RAD50: variants seen among roughly 807,000 people sequenced by gnomAD.
The protein encoded by RAD50 is RAD50 double strand break repair protein, also known as DNA repair protein RAD50.
RAD50 carries 132 observed loss-of-function variants against 168.8 expected under a neutral mutation model. The observed-to-expected ratio is 0.78, with a 90% CI of 0.68 to 0.90. The LOEUF (loss-of-function observed/expected upper bound fraction) is 0.90. Ranked by LOEUF, RAD50 falls within the 40% of genes least tolerant of loss-of-function variation. The pLI is 0.00. For synonymous variants in RAD50, 525 were observed against 497.4 expected, an observed-to-expected ratio of 1.06 and a Z score of -0.74; for missense variants, 1,347 against 1,534.4, an observed-to-expected ratio of 0.88 and a Z score of 2.04.
At chr5:132,571,312 A>G (rs979726007) in intron 2 of RAD50, among the ~76,000 whole-genome samples, 2 of 152,092 alleles carry the variant, frequency 1.3e-5, no homozygotes, top group South Asian at 2.1e-4. Context: ...GAAGAGCACA[A>G]TAAGATGGGG....
chr5:132,618,366 A>AT (rs1751216739), intron 21 of RAD50, 72 bp downstream of exon 21: 10 of 1,574,236 alleles, frequency 6.4e-6, no homozygotes, highest in African/African-American at 1.4e-5. Flanking sequence ...CTTTTCTCTC[A>AT]TTTTTTTCTT....
At chr5:132,581,540 A>C (rs974181326) in intron 5 of RAD50, among the ~76,000 whole-genome samples, 1 of 152,246 alleles carries the variant, frequency 6.6e-6, no homozygotes, top group African/African-American at 2.4e-5. Context: ...CTAACCTTCC[A>C]GAGTATATTT....
chr5:132,641,348 C>T (rs969400194), intron 24 of RAD50, among the ~76,000 whole-genome samples: 1 of 152,122 alleles, frequency 6.6e-6, no homozygotes, highest in Non-Finnish European at 1.5e-5. Flanking sequence ...GGTTGTCAAG[C>T]AGCTCTTGCA....
chr5:132,620,546 A>G (rs1751268283), intron 21 of RAD50, among the ~76,000 whole-genome samples: 1 of 152,120 alleles, frequency 6.6e-6, no homozygotes, highest in African/African-American at 2.4e-5. Flanking sequence ...ATTCATTCTG[A>G]TTACTCAATT....
At chr5:132,596,248 G>A (rs1258752111) in intron 13 of RAD50, among the ~76,000 whole-genome samples, 2 of 152,072 alleles carry the variant, frequency 1.3e-5, no homozygotes, top group East Asian at 1.9e-4. Flanking sequence ...GGCCCACCTC[G>A]GCCTCCCAAA....
intron 16 of RAD50, 74 bp downstream of exon 16, chr5:132,605,073 C>T: frequency 1.7e-6 from 2 of 1,185,782 alleles, no homozygotes; most frequent in Non-Finnish European, 2.3e-6. Flanking sequence ...TTGAGACAGT[C>T]TCGTTCTGTC....
chr5:132,617,029 C>T (rs908177347), intron 20 of RAD50, among the ~76,000 whole-genome samples: 2 of 152,144 alleles, frequency 1.3e-5, no homozygotes, highest in African/African-American at 4.8e-5. Context: ...AAGAGCTCAT[C>T]ATCTTCAGAG....
At position 132,595,046 on chromosome 5, in the gene RAD50, T is replaced by G. The variant is rs754783660; in HGVS notation, c.1969+2T>G. 6.2e-7 allele frequency: 1 copy of G among 1,608,060 alleles called. No individual in the cohort carries two copies. The highest frequency in any genetic ancestry group is 1.1e-5 in the South Asian group (1 of 90,948). Reference sequence around the variant, plus strand: ...TTGAAAAATCATCAAAACAGCGAGGTAAGTTGTCTACTTTATATTATCAGG... The same window carrying G: ...TTGAAAAATCATCAAAACAGCGAGGGAAGTTGTCTACTTTATATTATCAGG... On this transcript the variant is annotated splice_donor_variant, in intron 12 of 24. Transcript: ENST00000378823. LOFTEE classifies it high-confidence loss of function.
At chr5:132,559,219 C>T in intron 1 of RAD50, 65 bp from the exon 2 acceptor site, 2 of 1,413,676 alleles carry the variant, frequency 1.4e-6, no homozygotes, top group South Asian at 1.4e-5. Context: ...GTAATGAATT[C>T]ATATTTTATG....
chr5:132,595,224 T>G, intron 12 of RAD50, 180 bp downstream of exon 12: 1 of 661,916 alleles, frequency 1.5e-6, no homozygotes, highest in Non-Finnish European at 2.6e-6. Context: ...AACCTTCCTG[T>G]GTTTCATTGT....
In RAD50 at chr5:132,589,675, TGAGATAA is replaced by T. The variant is rs587780147; in HGVS notation, c.1300_1306del (p.Asp434LysfsTer7). 11 of 1,608,572 alleles carry T rather than the reference TGAGATAA, an allele frequency of 6.8e-6. No individual in the cohort carries two copies. Among genetic ancestry groups the T allele is most frequent in the Middle Eastern group, 1.8e-4 (1 of 5,680 alleles). On this transcript the variant is annotated frameshift_variant, in exon 9 of 25. Coordinates refer to ENST00000378823, the MANE Select transcript of RAD50 (RefSeq NM_005732.4). LOFTEE classifies it high-confidence loss of function. ...AGACTCTGAAACAAAAACAGATAGA[TGAGATAA>T]GAGATAAGAAAACTGGACTGGGAAG...
rs897737235 is a variant in RAD50 at position 132,643,911 on chromosome 5, T to C, written c.*1547T>C. 12 of 231,568 alleles carry C rather than the reference T, an allele frequency of 5.2e-5. No homozygotes were observed. The Admixed American group carries it at 5.6e-4, about 11-fold the overall frequency. The allele number at this position is 231,568 out of a possible 1,614,324, so 14.3% of individuals were successfully genotyped here. On this transcript the variant is annotated 3_prime_UTR_variant, in exon 25 of 25. Coordinates refer to ENST00000378823, the MANE Select transcript of RAD50 (RefSeq NM_005732.4). ...GGTGAAAAAAATTCTGAAAAAATTC[T>C]AGCAGCTATATTTGATAAAATTCAA... is the stretch of plus-strand genomic sequence containing the variant.
At chr5:132,625,236 GC>G (rs1751353275) in intron 21 of RAD50, among the ~76,000 whole-genome samples, 1 of 151,158 alleles carries the variant, frequency 6.6e-6, no homozygotes, top group East Asian at 1.9e-4. Flanking sequence ...ACAGGCGCCC[GC>G]CACTACGCCC....
chr5:132,608,437 G>C (rs2522394), intron 16 of RAD50, among the ~76,000 whole-genome samples, 178 bp from the exon 17 acceptor site: 1 of 151,950 alleles, frequency 6.6e-6, no homozygotes. Context: ...CTGTTTGCTC[G>C]TTTGAAATAT....
intron 5 of RAD50, among the ~76,000 whole-genome samples, chr5:132,583,241 A>C (rs1410678172): frequency 6.6e-6 from 1 of 152,032 alleles, no homozygotes; most frequent in Non-Finnish European, 1.5e-5. Flanking sequence ...TATAATGTAA[A>C]CTCCATAGTA....
At chr5:132,586,925 T>C (rs1159378453) in intron 5 of RAD50, among the ~76,000 whole-genome samples, 1 of 152,156 alleles carries the variant, frequency 6.6e-6, no homozygotes, top group African/African-American at 2.4e-5. Context: ...GAAGAAGAGT[T>C]GGTCAGTTTT....
Position 132,584,921 on chromosome 5 carries a change from G to A in RAD50, c.757-2641G>A, listed in dbSNP as rs539856294. On this transcript the variant is annotated intron_variant, in intron 5 of 24. Transcript: ENST00000378823. The stretch of plus-strand genomic sequence containing the variant: ...GAGAACACTTGGACAGACACAGGAA[G>A]GGGAACATCACACACTGGGTCCTGT... Among the ~76,000 whole-genome samples, 7 of 142,754 alleles carry A rather than the reference G, an allele frequency of 4.9e-5. No individual in the cohort carries two copies. In the East Asian group the frequency reaches 1.3e-3, roughly 26 times the overall value. 93.7% of individuals were successfully genotyped at this position (142,754 alleles called of 152,430 possible).
At chr5:132,632,931 C>T (rs991311789) in intron 21 of RAD50, among the ~76,000 whole-genome samples, 3 of 151,920 alleles carry the variant, frequency 2.0e-5, no homozygotes, top group Admixed American at 6.6e-5. Flanking sequence ...ATTTGTATTT[C>T]TTCTCCAAGA....
chr5:132,591,074 A>T, intron 9 of RAD50, 150 bp from the exon 10 acceptor site: 1 of 748,690 alleles, frequency 1.3e-6, no homozygotes, highest in Middle Eastern at 3.9e-4. Context: ...TAGAGCATAT[A>T]TAGTGCCTTA....
Sources: allele counts gnomAD v4.1 joint callset (sites outside exome capture counted in the v4.1 genomes callset), GRCh38; gene constraint gnomAD v4.1.1; transcripts MANE v1.5; gene names NCBI Gene and HGNC (gene_info 2026-07-23, HGNC 2026-07-21).